RERE: variants seen among roughly 807,000 people sequenced by gnomAD.
RERE encodes the protein arginine-glutamic acid dipeptide repeats protein.
RERE carries 40 observed loss-of-function variants against 146.1 expected under a neutral mutation model. That is an observed-to-expected ratio of 0.27 (90% CI 0.21 to 0.36). The LOEUF is 0.36. RERE is among the 10% of genes least tolerant of loss of function. The probability of loss-of-function intolerance (pLI) is 1.00; values close to 1 mark genes in which losing one functional copy is unlikely to be tolerated. For synonymous variants in RERE, 1,003 were observed against 866.0 expected, an observed-to-expected ratio of 1.16 and a Z score of -2.78; for missense variants, 1,933 against 2,138.7, an observed-to-expected ratio of 0.90 and a Z score of 1.90.
At chr1:8,370,020 G>A (rs893402679) in intron 12 of RERE, among the ~76,000 whole-genome samples, 7 of 151,984 alleles carry the variant, frequency 4.6e-5, no homozygotes, top group Admixed American at 3.9e-4. Flanking sequence ...TCGATCTCCT[G>A]ACCTCGTTAT....
chr1:8,810,859 G>T (rs997482641), intron 1 of RERE, among the ~76,000 whole-genome samples: 1 of 152,072 alleles, frequency 6.6e-6, no homozygotes, highest in African/African-American at 2.4e-5. Flanking sequence ...ATATTAGGAA[G>T]CCATAAATAC....
chr1:8,598,107 T>C (rs1646577355), intron 4 of RERE, among the ~76,000 whole-genome samples: 1 of 152,204 alleles, frequency 6.6e-6, no homozygotes, highest in Admixed American at 6.5e-5. Flanking sequence ...CTGAAAACCC[T>C]AGATGTGTTC....
At chr1:8,355,184 G>A (rs1474567026) in intron 22 of RERE, 64 bp from the exon 23 acceptor site, 1 of 1,539,894 alleles carries the variant, frequency 6.5e-7, no homozygotes, top group Non-Finnish European at 9.0e-7. Flanking sequence ...ACGCAGGCTG[G>A]AGGCAACCCC....
At chr1:8,559,867 A>G (rs979320717) in intron 4 of RERE, among the ~76,000 whole-genome samples, 1 of 152,146 alleles carries the variant, frequency 6.6e-6, no homozygotes, top group Non-Finnish European at 1.5e-5. Context: ...GACCAAATAC[A>G]CAGGCAGCAA....
rs1307357028 is a variant in RERE at position 8,360,328 on chromosome 1, G to A, written c.3179C>T (p.Ala1060Val). 2.2e-5 allele frequency: 33 copies of A among 1,524,774 alleles called. 1 individual carries two copies. Among genetic ancestry groups the A allele is most frequent in the South Asian group, 1.7e-4 (14 of 80,714 alleles). The allele number at this position is 1,524,774 out of a possible 1,614,324, so 94.5% of individuals were successfully genotyped here. The part of the protein sequence containing the change: ...PTCPSTSTPP[A>V]GPGTSAQPPC... ...TGGCTGGGCCGAGGTGCCAGGTCCC[G>A]CCGGTGGGGTAGAGGTGGAGGGGCA... is the stretch of plus-strand genomic sequence containing the variant. The change falls in exon 18 of 23, where the codon GCG (alanine) becomes GTG (valine). Residue 1060 changes from alanine (A) to valine (V), a missense_variant. Physicochemically the swap from Ala to Val is moderately conservative, Grantham distance 64. This residue lies in a region of RERE where 1,255 missense variants were observed against 1,153.8 expected (regional missense o/e 1.09). Coordinates refer to ENST00000400908, the MANE Select transcript of RERE (RefSeq NM_001042681.2).
chr1:8,635,527 G>A (rs1647087297), intron 2 of RERE, among the ~76,000 whole-genome samples: 1 of 152,208 alleles, frequency 6.6e-6, no homozygotes, highest in Non-Finnish European at 1.5e-5. Flanking sequence ...CAACAAATGA[G>A]TGCAGCTGCT....
intron 1 of RERE, among the ~76,000 whole-genome samples, chr1:8,758,753 G>A (rs145204527): frequency 5.3e-5 from 8 of 151,576 alleles, no homozygotes; most frequent in African/African-American, 1.2e-4. Context: ...TCAGTGAGGA[G>A]GAATAAGTTC....
intron 1 of RERE, among the ~76,000 whole-genome samples, chr1:8,676,255 T>G (rs1477902630): frequency 6.6e-6 from 1 of 152,196 alleles, no homozygotes; most frequent in Non-Finnish European, 1.5e-5. Context: ...CTTAACTATC[T>G]TAGGAGTTCT....
At chr1:8,384,491 G>A (rs1451233904) in intron 12 of RERE, among the ~76,000 whole-genome samples, 1 of 152,210 alleles carries the variant, frequency 6.6e-6, no homozygotes, top group African/African-American at 2.4e-5. Context: ...CATTTAAACA[G>A]TGCTCTCATA....
At chr1:8,745,300 G>GT (rs1447375978) in intron 1 of RERE, among the ~76,000 whole-genome samples, 3 of 152,094 alleles carry the variant, frequency 2.0e-5, no homozygotes, top group Non-Finnish European at 2.9e-5. Flanking sequence ...TGCCATGATT[G>GT]TAAGTTTCCT....
chr1:8,436,507 G>A (rs1644171617), intron 11 of RERE, among the ~76,000 whole-genome samples: 1 of 151,942 alleles, frequency 6.6e-6, no homozygotes, highest in South Asian at 2.1e-4. Context: ...CAACACAGGA[G>A]GAAAGAGAAA....
chr1:8,370,729 G>C (rs1642005659), intron 12 of RERE, among the ~76,000 whole-genome samples: 2 of 152,306 alleles, frequency 1.3e-5, no homozygotes, highest in South Asian at 4.1e-4. Flanking sequence ...AGCAGCTAGA[G>C]GCCTCGCCAG....
intron 7 of RERE, among the ~76,000 whole-genome samples, chr1:8,524,472 A>G (rs1034429081): frequency 1.3e-5 from 2 of 152,188 alleles, no homozygotes; most frequent in Non-Finnish European, 1.5e-5. Context: ...TACACCACTA[A>G]GAGCTTACAC....
intron 7 of RERE, among the ~76,000 whole-genome samples, chr1:8,533,040 T>G (rs188102143): frequency 7.2e-5 from 11 of 152,330 alleles, no homozygotes; most frequent in Admixed American, 1.3e-4. Context: ...CCTGATTTAT[T>G]TTTCTTTTCG....
chr1:8,690,025 C>G (rs916768273), intron 1 of RERE, among the ~76,000 whole-genome samples: 1 of 152,200 alleles, frequency 6.6e-6, no homozygotes, highest in Non-Finnish European at 1.5e-5. Flanking sequence ...AAAGCTCAGT[C>G]TCTGTAGTAA....
chr1:8,682,728 C>G (rs1373970274), intron 1 of RERE, among the ~76,000 whole-genome samples: 1 of 151,978 alleles, frequency 6.6e-6, no homozygotes, highest in Non-Finnish European at 1.5e-5. Flanking sequence ...CAAGAAATGC[C>G]GGCTCTAGTA....
rs924068574 is a variant in RERE at position 8,526,030 on chromosome 1, G to T, written c.830+15184C>A. 4 of 1,253,176 alleles carry T rather than the reference G, an allele frequency of 3.2e-6. No homozygotes were observed. In the South Asian group the frequency reaches 1.1e-4, roughly 35 times the overall value. 77.6% of individuals were successfully genotyped at this position (1,253,176 alleles called of 1,614,324 possible). A position where few individuals can be genotyped will look rare whatever the true frequency, so the allele number is the denominator to read the frequency against. On this transcript the variant is annotated intron_variant, in intron 7 of 22. Coordinates refer to ENST00000400908, the MANE Select transcript of RERE (RefSeq NM_001042681.2). ...CATCCACACACTGTCTCTCCACGAC[G>T]CAATCAATCTCAACCCTGCTGTTTC...
chr1:8,582,062 TATA>T (rs1557696467), intron 4 of RERE, among the ~76,000 whole-genome samples: 1 of 152,194 alleles, frequency 6.6e-6, no homozygotes, highest in East Asian at 1.9e-4. Context: ...CTTGCTGGTA[TATA>T]ATATCAGATA....
intron 1 of RERE, among the ~76,000 whole-genome samples, chr1:8,740,495 T>C (rs1210522264): frequency 6.6e-6 from 1 of 152,222 alleles, no homozygotes; most frequent in African/African-American, 2.4e-5. Flanking sequence ...TTTTCTTCAA[T>C]AACAAATCAG....
Sources: gnomAD v4.1 joint callset for allele counts (sites outside exome capture counted in the v4.1 genomes callset) on GRCh38, gnomAD v4.1.1 for gene constraint, gnomAD v4.1.1 regional missense constraint, MANE v1.5 for transcripts, NCBI Gene and HGNC (gene_info 2026-07-23, HGNC 2026-07-21) for gene names.